ITGB3BP: variants seen among roughly 807,000 people sequenced by gnomAD.
ITGB3BP encodes the protein centromere protein R.
A neutral mutation model predicts 29.1 loss-of-function variants in ITGB3BP; 27 were observed. That is an observed-to-expected ratio of 0.93 (90% confidence interval 0.68 to 1.28). ITGB3BP has a LOEUF of 1.28. ITGB3BP is among the 50% of genes most tolerant of loss of function. The pLI is 0.00. For missense variants in ITGB3BP, 192 were observed against 200.2 expected (o/e 0.96, Z 0.25); for synonymous variants, 61 against 61.4 (o/e 0.99, Z 0.03).
chr1:63,459,772 T>C (rs1156420133), intron 4 of ITGB3BP, among the ~76,000 whole-genome samples: 2 of 152,162 alleles, frequency 1.3e-5, no homozygotes, highest in African/African-American at 4.8e-5. Flanking sequence ...GTGTTTGACC[T>C]ATGTTCTCAA....
intron 2 of ITGB3BP, among the ~76,000 whole-genome samples, chr1:63,498,609 G>A (rs935521899): frequency 1.3e-5 from 2 of 151,066 alleles, no homozygotes; most frequent in African/African-American, 4.9e-5. Context: ...AAAAGAGACA[G>A]CTCTCATATC....
chr1:63,496,222 A>G (rs1645784798), intron 2 of ITGB3BP, among the ~76,000 whole-genome samples: 1 of 151,830 alleles, frequency 6.6e-6, no homozygotes, highest in South Asian at 2.1e-4. Context: ...CCTCCTGAGT[A>G]ATTGGGACGA....
upstream of ITGB3BP, among the ~76,000 whole-genome samples, chr1:63,525,246 ATTC>A (rs546664049): frequency 1.9e-4 from 29 of 152,184 alleles, no homozygotes; most frequent in African/African-American, 6.7e-4. Context: ...TTGTTCAGTG[ATTC>A]TTCTCTTGTG....
chr1:63,521,425 ATG>A (rs10561667), intron 1 of ITGB3BP, among the ~76,000 whole-genome samples: 22,808 of 152,184 alleles, frequency 0.15, 1,726 homozygotes, highest in Middle Eastern at 0.25. Context: ...TTAGCTATAT[ATG>A]TGAGATGTTA....
Position 63,454,496 on chromosome 1 carries a change from GAGTTA to G in ITGB3BP, c.334-28_334-24del. ...AGCCTACAAGAAAGTCATCTTGAAT[GAGTTA>G]AGTTCTCTACACACATGAGATTACT... On this transcript the variant is annotated intron_variant, in intron 5 of 8. Coordinates refer to ENST00000271002, the MANE Select transcript of ITGB3BP (RefSeq NM_014288.5). The surrounding 1 kb of genome is among the most constrained non-coding windows in gnomAD (Gnocchi z 4.1). 1.6e-6 allele frequency: 2 copies of G among 1,240,170 alleles called. No homozygotes were observed. Among genetic ancestry groups the G allele is most frequent in the Non-Finnish European group, 2.4e-6 (2 of 850,176 alleles). 76.8% of individuals were successfully genotyped at this position (1,240,170 alleles called of 1,614,324 possible). A position where few individuals can be genotyped will look rare whatever the true frequency, so the allele number is the denominator to read the frequency against.
intron 4 of ITGB3BP, among the ~76,000 whole-genome samples, chr1:63,461,027 TAGG>T (rs994160879): frequency 6.1e-5 from 9 of 148,690 alleles, no homozygotes; most frequent in African/African-American, 1.8e-4. Flanking sequence ...ATCACGAGGT[TAGG>T]AGATCGAGAC....
At chr1:63,465,428 CT>C (rs902240929) in intron 4 of ITGB3BP, among the ~76,000 whole-genome samples, 41 of 145,744 alleles carry the variant, frequency 2.8e-4, no homozygotes, top group African/African-American at 4.8e-4. Context: ...GGATTTTTTT[CT>C]TTTTTTTTTT....
At chr1:63,527,641 C>G (rs1410667537), upstream of ITGB3BP, among the ~76,000 whole-genome samples, 5 of 152,108 alleles carry the variant, frequency 3.3e-5, no homozygotes, top group Non-Finnish European at 5.9e-5. Flanking sequence ...CAAACTTAAT[C>G]ATTAGATCCA....
intron 3 of ITGB3BP, among the ~76,000 whole-genome samples, chr1:63,481,389 AGTAGTAAAT>A (rs1018416914): frequency 3.3e-5 from 5 of 152,308 alleles, no homozygotes; most frequent in Admixed American, 2.0e-4. Context: ...CAACATATTG[AGTAGTAAAT>A]GTAGTAAATG....
At chr1:63,446,299 A>G (rs1208017199) in intron 8 of ITGB3BP, among the ~76,000 whole-genome samples, 1 of 152,216 alleles carries the variant, frequency 6.6e-6, no homozygotes, top group African/African-American at 2.4e-5. Flanking sequence ...TAAGCTATTT[A>G]TAAACACATC....
intron 2 of ITGB3BP, among the ~76,000 whole-genome samples, chr1:63,499,156 G>A (rs1360558236): frequency 8.5e-6 from 1 of 118,072 alleles, no homozygotes; most frequent in African/African-American, 3.2e-5. Context: ...TTCCACTAGC[G>A]TTTTTTTTTT....
chr1:63,498,963 A>G (rs1219175639), intron 2 of ITGB3BP, among the ~76,000 whole-genome samples: 3 of 152,220 alleles, frequency 2.0e-5, no homozygotes, highest in Non-Finnish European at 2.9e-5. Context: ...GACCAACTGC[A>G]TGCTAACAAA....
intron 2 of ITGB3BP, among the ~76,000 whole-genome samples, chr1:63,502,443 G>A (rs188970299): frequency 4.0e-5 from 6 of 151,514 alleles, no homozygotes; most frequent in Admixed American, 3.3e-4. Flanking sequence ...GGAAAAAGAG[G>A]TTTAATTGCA....
upstream of ITGB3BP, chr1:63,523,279 C>T (rs1412165143): frequency 9.5e-6 from 10 of 1,050,026 alleles, no homozygotes; most frequent in Admixed American, 1.5e-4. Flanking sequence ...GCGGAAACAT[C>T]CTCCCCGCGA....
intron 8 of ITGB3BP, among the ~76,000 whole-genome samples, chr1:63,445,866 A>G (rs1460077390): frequency 6.6e-6 from 1 of 152,054 alleles, no homozygotes; most frequent in Non-Finnish European, 1.5e-5. Flanking sequence ...CTGGGATTAC[A>G]GGCATGAATC....
At chr1:63,515,988 C>T (rs1370520309) in intron 1 of ITGB3BP, among the ~76,000 whole-genome samples, 2 of 151,282 alleles carry the variant, frequency 1.3e-5, no homozygotes, top group African/African-American at 2.4e-5. Context: ...ATCTTGTGTC[C>T]ATCAATGGAT....
intron 1 of ITGB3BP, chr1:63,509,928 C>T (rs556706915): frequency 7.8e-6 from 3 of 386,644 alleles, no homozygotes; most frequent in South Asian, 1.3e-4. Flanking sequence ...CGTGGTGGCT[C>T]GTGCCTGTAA....
chr1:63,453,752 T>C (rs1022047127), intron 7 of ITGB3BP, 166 bp downstream of exon 7: 103 of 533,684 alleles, frequency 1.9e-4, no homozygotes, highest in Non-Finnish European at 1.6e-4. Flanking sequence ...AAATGCAATA[T>C]AAAGCTTTTC....
chr1:63,528,889 T>C (rs1557668743), intron 2 of ITGB3BP, among the ~76,000 whole-genome samples: 1 of 152,148 alleles, frequency 6.6e-6, no homozygotes, highest in Non-Finnish European at 1.5e-5. Context: ...CCTTTATTAT[T>C]AGTAGCAGTA....
Sources: allele counts gnomAD v4.1 joint callset (sites outside exome capture counted in the v4.1 genomes callset), GRCh38; gene constraint gnomAD v4.1.1; non-coding constraint Gnocchi (gnomAD v3.1); transcripts MANE v1.5; gene names NCBI Gene and HGNC (gene_info 2026-07-23, HGNC 2026-07-21).